RGS7: variants seen among roughly 807,000 people sequenced by gnomAD.
The protein encoded by RGS7 is regulator of G protein signaling 7, also known as regulator of G-protein signaling 7.
RGS7 carries 27 observed loss-of-function variants against 81.1 expected under a neutral mutation model. That is an observed-to-expected ratio of 0.33 (90% CI 0.25 to 0.46). RGS7 has a LOEUF of 0.46. Among genes scored for constraint, RGS7 ranks in the 20% least tolerant of loss-of-function variants. The pLI is 1.00. For missense variants in RGS7, 396 were observed against 607.4 expected, an observed-to-expected ratio of 0.65 and a Z score of 3.66; for synonymous variants, 208 against 207.7, an observed-to-expected ratio of 1.00 and a Z score of -0.01.
chr1:241,188,733 C>T (rs1384775539), intron 2 of RGS7, among the ~76,000 whole-genome samples: 1 of 152,140 alleles, frequency 6.6e-6, no homozygotes, highest in East Asian at 1.9e-4. Context: ...GGTTCTCTGA[C>T]ATTATTGTGT....
At chr1:240,902,151 CA>C (rs1314389180) in intron 6 of RGS7, among the ~76,000 whole-genome samples, 2 of 152,078 alleles carry the variant, frequency 1.3e-5, no homozygotes, top group Non-Finnish European at 2.9e-5. Context: ...ATTTCAAATG[CA>C]AACTACTAAA....
chr1:240,795,311 T>C (rs1686855289), intron 18 of RGS7, among the ~76,000 whole-genome samples: 3 of 152,144 alleles, frequency 2.0e-5, no homozygotes, highest in African/African-American at 7.2e-5. Context: ...AACAATATGT[T>C]TCCCGGAAAG....
intron 2 of RGS7, among the ~76,000 whole-genome samples, chr1:241,347,910 A>G (rs1010637888): frequency 1.3e-5 from 2 of 152,136 alleles, no homozygotes; most frequent in Non-Finnish European, 1.5e-5. Flanking sequence ...TGAAAAAAAA[A>G]TAATTTGTTG....
intron 2 of RGS7, among the ~76,000 whole-genome samples, chr1:241,255,767 G>A (rs535055280): frequency 3.9e-5 from 6 of 152,202 alleles, no homozygotes; most frequent in South Asian, 2.1e-4. Flanking sequence ...ATTCATATTC[G>A]ACTGGAAATA....
chr1:241,322,408 T>C (rs2081263820), intron 2 of RGS7, among the ~76,000 whole-genome samples: 1 of 152,256 alleles, frequency 6.6e-6, no homozygotes, highest in Middle Eastern at 3.2e-3. Flanking sequence ...AAGATATTGG[T>C]TGACTATATA....
intron 9 of RGS7, among the ~76,000 whole-genome samples, chr1:240,854,814 C>T (rs751848324): frequency 2.6e-5 from 4 of 151,992 alleles, no homozygotes; most frequent in Non-Finnish European, 5.9e-5. Flanking sequence ...ATCCCCTCCC[C>T]GGCCTACACG....
chr1:241,205,442 T>C (rs190634077), intron 2 of RGS7, among the ~76,000 whole-genome samples: 1 of 151,940 alleles, frequency 6.6e-6, no homozygotes, highest in East Asian at 1.9e-4. Context: ...TGGGAAAAAA[T>C]TAATTAGCAT....
At chr1:241,128,738 T>C (rs2066866964) in intron 2 of RGS7, among the ~76,000 whole-genome samples, 1 of 138,802 alleles carries the variant, frequency 7.2e-6, no homozygotes. Context: ...TCCCAGAAAT[T>C]GAGTATTTAA....
intron 2 of RGS7, among the ~76,000 whole-genome samples, chr1:241,222,289 T>A (rs1025132566): frequency 3.3e-5 from 5 of 152,266 alleles, no homozygotes; most frequent in African/African-American, 1.2e-4. Context: ...CAGCTGTGCA[T>A]AAAAAAATCT....
intron 2 of RGS7, among the ~76,000 whole-genome samples, chr1:241,203,118 C>G (rs2093384991): frequency 6.6e-6 from 1 of 152,080 alleles, no homozygotes; most frequent in South Asian, 2.1e-4. Context: ...ATTATTTTAC[C>G]TGTGGTTTTT....
intron 9 of RGS7, among the ~76,000 whole-genome samples, chr1:240,856,780 G>C (rs992795421): frequency 2.0e-5 from 3 of 152,006 alleles, no homozygotes; most frequent in African/African-American, 7.2e-5. Flanking sequence ...GAAATCAATG[G>C]CAGGATTTCT....
intron 18 of RGS7, among the ~76,000 whole-genome samples, chr1:240,782,777 G>A (rs947960301): frequency 6.6e-6 from 1 of 152,106 alleles, no homozygotes; most frequent in Admixed American, 6.5e-5. Flanking sequence ...GAAATGAAAA[G>A]GGCTAACAAA....
chr1:241,193,314 G>A (rs111970022), intron 2 of RGS7, among the ~76,000 whole-genome samples: 1 of 152,152 alleles, frequency 6.6e-6, no homozygotes, highest in African/African-American at 2.4e-5. Context: ...TCCTGAAGAT[G>A]GTCTTGAGTA....
chr1:240,893,288 C>A (rs1668550036), intron 6 of RGS7, among the ~76,000 whole-genome samples: 1 of 152,130 alleles, frequency 6.6e-6, no homozygotes, highest in Non-Finnish European at 1.5e-5. Context: ...ATTAACTTAT[C>A]CATTGCATTA....
chr1:240,943,821 AGAG>A (rs916633799), intron 4 of RGS7, among the ~76,000 whole-genome samples: 3 of 152,156 alleles, frequency 2.0e-5, no homozygotes, highest in Non-Finnish European at 4.4e-5. Context: ...TGCCTGCTTT[AGAG>A]GAGGACTGAT....
chr1:241,066,205 T>A (rs1295709122), intron 3 of RGS7, among the ~76,000 whole-genome samples: 1 of 152,236 alleles, frequency 6.6e-6, no homozygotes, highest in Non-Finnish European at 1.5e-5. Flanking sequence ...CTGAAGGTGT[T>A]CCTCATTTTC....
chr1:240,992,848 CA>C (rs757849427), intron 3 of RGS7, among the ~76,000 whole-genome samples: 26 of 111,620 alleles, frequency 2.3e-4, no homozygotes, highest in Non-Finnish European at 3.0e-4. Context: ...ACTAAAAATA[CA>C]AAAAAAAAAA....
At chr1:241,020,310 G>A (rs534576147) in intron 3 of RGS7, among the ~76,000 whole-genome samples, 12 of 152,242 alleles carry the variant, frequency 7.9e-5, no homozygotes, top group African/African-American at 2.6e-4. Flanking sequence ...TATTCTCTCA[G>A]AATTCTGGAG....
intron 2 of RGS7, among the ~76,000 whole-genome samples, chr1:241,299,458 T>C (rs929594076): frequency 1.3e-5 from 2 of 152,086 alleles, no homozygotes; most frequent in Non-Finnish European, 2.9e-5. Context: ...CCAACTATCT[T>C]GAACAATTCA....
Sources: allele counts gnomAD v4.1 joint callset (sites outside exome capture counted in the v4.1 genomes callset), GRCh38; gene constraint gnomAD v4.1.1; transcripts MANE v1.5; gene names NCBI Gene and HGNC (gene_info 2026-07-23, HGNC 2026-07-21).